Variants in KIF6 observed in about 807,000 individuals in gnomAD.
KIF6 encodes the protein kinesin-like protein KIF6.
Under a neutral mutation model 112.7 loss-of-function variants are expected in KIF6, and 106 were observed. That is an observed-to-expected ratio of 0.94 (90% CI 0.80 to 1.11). The LOEUF (loss-of-function observed/expected upper bound fraction) is 1.11. KIF6 is among the 50% of genes least tolerant of loss of function. The pLI, the probability that KIF6 is intolerant of heterozygous loss-of-function variation, is 0.00. For synonymous variants in KIF6, 339 were observed against 339.9 expected, an observed-to-expected ratio of 1.00 and a Z score of 0.03; for missense variants, 929 against 964.0, an observed-to-expected ratio of 0.96 and a Z score of 0.48.
intron 3 of KIF6, among the ~76,000 whole-genome samples, chr6:39,652,265 C>T (rs1213613691): frequency 6.6e-6 from 1 of 152,170 alleles, no homozygotes; most frequent in Non-Finnish European, 1.5e-5. Context: ...TACAGTGGCT[C>T]ATGCCTGTAA....
At chr6:39,535,945 A>T (rs954883696) in intron 13 of KIF6, among the ~76,000 whole-genome samples, 20 of 152,178 alleles carry the variant, frequency 1.3e-4, no homozygotes, top group Admixed American at 7.9e-4. Context: ...AAACTGAACA[A>T]TCTGCTCCTG....
intron 13 of KIF6, among the ~76,000 whole-genome samples, chr6:39,519,722 CA>C: frequency 6.6e-6 from 1 of 151,890 alleles, no homozygotes; most frequent in East Asian, 1.9e-4. Flanking sequence ...CAAAACAAAA[CA>C]AAACAAAAAC....
intron 13 of KIF6, among the ~76,000 whole-genome samples, chr6:39,525,002 G>A (rs1245030081): frequency 6.6e-6 from 1 of 152,152 alleles, no homozygotes; most frequent in African/African-American, 2.4e-5. Flanking sequence ...CTTTTATCCT[G>A]GAGCCAAAAG....
At chr6:39,549,583 G>A (rs1359051044) in intron 10 of KIF6, among the ~76,000 whole-genome samples, 2 of 152,204 alleles carry the variant, frequency 1.3e-5, no homozygotes, top group Admixed American at 1.3e-4. Context: ...CATATTGGGT[G>A]ATGTATTTCT....
chr6:39,479,054 C>T (rs1774629915), intron 13 of KIF6, among the ~76,000 whole-genome samples: 1 of 151,960 alleles, frequency 6.6e-6, no homozygotes, highest in East Asian at 1.9e-4. Flanking sequence ...GTGTGTTGTC[C>T]GTTTACTCTG....
chr6:39,535,374 CA>C (rs1778358669), intron 13 of KIF6, among the ~76,000 whole-genome samples: 1 of 151,808 alleles, frequency 6.6e-6, no homozygotes, highest in Admixed American at 6.6e-5. Context: ...GAAGATCTAC[CA>C]AGCAAATGGA....
Position 39,725,311 on chromosome 6 carries a change from C to T in KIF6, c.-1G>A. On this transcript the variant is annotated 5_prime_UTR_variant, in exon 1 of 23. Transcript: ENST00000287152. ...ATATCTGGATAGTCTGCTTCACCATCTCCTCCCTGGCTCTGCAATGACCCT... is the reference window on the plus strand; with the variant it reads ...ATATCTGGATAGTCTGCTTCACCATTTCCTCCCTGGCTCTGCAATGACCCT... The T allele has an allele frequency of 1.9e-6, 3 of 1,607,656 alleles. No homozygotes were observed. Among genetic ancestry groups the T allele is most frequent in the African/African-American group, 1.4e-5 (1 of 73,924 alleles).
intron 7 of KIF6, among the ~76,000 whole-genome samples, chr6:39,593,368 T>G (rs115452296): frequency 0.018 from 2,749 of 152,318 alleles, 27 homozygotes; most frequent in Non-Finnish European, 0.027. Context: ...ATGTACCGTT[T>G]GGTTTTCTCT....
intron 14 of KIF6, among the ~76,000 whole-genome samples, chr6:39,425,027 C>T (rs1054200520): frequency 6.6e-6 from 1 of 152,178 alleles, no homozygotes. Flanking sequence ...CTCATCATGA[C>T]TGGGGAAGCA....
intron 6 of KIF6, among the ~76,000 whole-genome samples, chr6:39,602,059 T>C (rs1262223252): frequency 6.6e-6 from 1 of 152,170 alleles, no homozygotes; most frequent in East Asian, 1.9e-4. Context: ...ATTGATTTGA[T>C]CTATAAAATT....
At chr6:39,417,717 T>C (rs1413661677) in intron 15 of KIF6, among the ~76,000 whole-genome samples, 2 of 129,948 alleles carry the variant, frequency 1.5e-5, no homozygotes, top group African/African-American at 6.0e-5. Flanking sequence ...GGGGAATTTG[T>C]AGTTATTTCC....
intron 13 of KIF6, among the ~76,000 whole-genome samples, chr6:39,461,372 A>G (rs913951562): frequency 2.6e-5 from 4 of 152,146 alleles, no homozygotes; most frequent in African/African-American, 9.7e-5. Context: ...CCTACAAATC[A>G]TGGCCAATTC....
chr6:39,722,372 T>C (rs1449492970), intron 1 of KIF6, among the ~76,000 whole-genome samples: 2 of 152,182 alleles, frequency 1.3e-5, no homozygotes, highest in Middle Eastern at 3.2e-3. Flanking sequence ...TTTAGTGTAA[T>C]ATTGGCTTTC....
At chr6:39,625,522 T>A (rs1258733200) in intron 5 of KIF6, among the ~76,000 whole-genome samples, 3 of 152,112 alleles carry the variant, frequency 2.0e-5, no homozygotes. Context: ...CACCCCCAAC[T>A]CCTCAAGAGG....
At chr6:39,495,241 C>A (rs1197978001) in intron 13 of KIF6, among the ~76,000 whole-genome samples, 1 of 152,176 alleles carries the variant, frequency 6.6e-6, no homozygotes, top group African/African-American at 2.4e-5. Flanking sequence ...TGTGCCACGT[C>A]ATCATACCAA....
intron 4 of KIF6, among the ~76,000 whole-genome samples, chr6:39,637,997 A>G (rs1784716345): frequency 6.6e-6 from 1 of 152,118 alleles, no homozygotes. Flanking sequence ...TTTAGTAACC[A>G]TAGATAAAAA....
intron 16 of KIF6, among the ~76,000 whole-genome samples, chr6:39,362,924 G>A (rs1765274086): frequency 6.6e-6 from 1 of 152,206 alleles, no homozygotes; most frequent in South Asian, 2.1e-4. Context: ...CGAGGCAGGA[G>A]GATCACCTGA....
At chr6:39,556,825 A>C (rs185603824) in intron 10 of KIF6, among the ~76,000 whole-genome samples, 3 of 152,336 alleles carry the variant, frequency 2.0e-5, no homozygotes, top group Non-Finnish European at 2.9e-5. Context: ...TAAAGTTTCC[A>C]AACTAGGGAG....
chr6:39,678,703 A>G (rs954797906), intron 3 of KIF6, among the ~76,000 whole-genome samples: 1 of 152,220 alleles, frequency 6.6e-6, no homozygotes, highest in African/African-American at 2.4e-5. Flanking sequence ...ACAAAGACCT[A>G]TATTAGACCC....
Sources: allele counts gnomAD v4.1 joint callset (sites outside exome capture counted in the v4.1 genomes callset), GRCh38; gene constraint gnomAD v4.1.1; transcripts MANE v1.5; gene names NCBI Gene and HGNC (gene_info 2026-07-23, HGNC 2026-07-21).